RBL2: variants seen among roughly 807,000 people sequenced by gnomAD.
The protein encoded by RBL2 is retinoblastoma-like protein 2.
RBL2 carries 56 observed loss-of-function variants against 126.0 expected under a neutral mutation model. The observed-to-expected ratio is 0.44, with a 90% confidence interval of 0.36 to 0.56. The LOEUF is 0.56. Among genes scored for constraint, RBL2 ranks in the 20% least tolerant of loss-of-function variants. The probability of loss-of-function intolerance (pLI) is 0.00; values close to 1 mark genes in which losing one functional copy is unlikely to be tolerated. For synonymous variants in RBL2, 454 were observed against 478.5 expected (o/e 0.95, Z 0.67); for missense variants, 1,229 against 1,398.2 (o/e 0.88, Z 1.93).
At chr16:53,472,083 T>C (rs769814956) in intron 17 of RBL2, among the ~76,000 whole-genome samples, 11 of 152,220 alleles carry the variant, frequency 7.2e-5, no homozygotes, top group Non-Finnish European at 1.3e-4. Flanking sequence ...TGTTGCAGCA[T>C]GTATCAGTAC....
chr16:53,450,946 A>T (rs1334636343), intron 4 of RBL2, among the ~76,000 whole-genome samples: 3 of 152,162 alleles, frequency 2.0e-5, no homozygotes, highest in African/African-American at 7.2e-5. Context: ...ATCTCAAAAA[A>T]AAAAAATGTA....
chr16:53,434,779 G>A lies in RBL2; in HGVS notation c.223G>A (p.Glu75Lys), dbSNP rs1421426955. The A allele has an allele frequency of 1.3e-6, 2 of 1,516,522 alleles. No homozygotes were observed. Among genetic ancestry groups the A allele is most frequent in the Non-Finnish European group, 1.8e-6 (2 of 1,135,920 alleles). 93.9% of individuals were successfully genotyped at this position (1,516,522 alleles called of 1,614,324 possible). The change falls in exon 1 of 22, where the codon GAA (glutamate) becomes AAA (lysine). Residue 75 changes from glutamate to lysine, a missense_variant. Transcript: ENST00000262133. ...CTGGGACAGCTACCGCAGCATGAGCGAAAGCTACACGCTGGAGGTGCGCTC... is the reference window on the plus strand; with the variant it reads ...CTGGGACAGCTACCGCAGCATGAGCAAAAGCTACACGCTGGAGGTGCGCTC... ...EAWDSYRSMS[E>K]SYTLEGNDLH...
At chr16:53,484,949 A>C (rs1187119839) in intron 21 of RBL2, among the ~76,000 whole-genome samples, 1 of 151,858 alleles carries the variant, frequency 6.6e-6, no homozygotes, top group Admixed American at 6.6e-5. Flanking sequence ...AGCAAAAAAT[A>C]TTATCAGGAC....
rs1961430908 is a variant in RBL2, at chr16:53,491,256, A to G, written c.*956A>G. The G allele has an allele frequency of 6.6e-6, 1 of 152,200 alleles. No individual in the cohort carries two copies. Among genetic ancestry groups the G allele is most frequent in the Non-Finnish European group, 1.5e-5 (1 of 68,036 alleles). The allele number at this position is 152,200 out of a possible 1,614,324, so 9.4% of individuals were successfully genotyped here. A position where few individuals can be genotyped will look rare whatever the true frequency, so the allele number is the denominator to read the frequency against. ...AGTTATCTAAAAGAAATGTCTATTA[A>G]GGTGATATATTTAAAAATATTTTTG... On this transcript the variant is annotated 3_prime_UTR_variant, in exon 22 of 22. Transcript: ENST00000262133.
At chr16:53,457,559 G>A (rs1157974349) in intron 8 of RBL2, among the ~76,000 whole-genome samples, 7 of 151,936 alleles carry the variant, frequency 4.6e-5, no homozygotes, top group Admixed American at 4.6e-4. Flanking sequence ...ATGCCCAGCC[G>A]TAGATGGCTT....
chr16:53,470,061 C>G lies in RBL2; in HGVS notation c.2121C>G (p.Val707=). The change falls in exon 15 of 22, where the codon GTC becomes GTG. Residue 707 remains valine (V), a synonymous_variant. Transcript: ENST00000262133. ...RMPPQPLVNA[V]PVQNVSGETV... The stretch of plus-strand genomic sequence containing the variant: ...CCCCACAGCCCCTAGTCAATGCTGT[C>G]CCTGTGCAGAATGTATCTGGGGAGA... 6.2e-7 allele frequency: 1 copy of G among 1,614,250 alleles called. No homozygotes were observed. The highest frequency in any genetic ancestry group is 1.3e-5 in the African/African-American group (1 of 75,078).
chr16:53,444,259 TAAAC>T (rs940342032), intron 3 of RBL2, among the ~76,000 whole-genome samples: 7 of 151,028 alleles, frequency 4.6e-5, no homozygotes, highest in African/African-American at 1.7e-4. Context: ...AATAAATAAG[TAAAC>T]AAATAAAAGG....
In RBL2 at chr16:53,460,024, T is replaced by G. The variant is rs77388758; in HGVS notation, c.1346+407T>G. Among the ~76,000 whole-genome samples the G allele has an allele frequency of 3.0e-3, 463 of 152,250 alleles. 4 individuals carry two copies. The highest frequency in any genetic ancestry group is 0.011 in the African/African-American group (437 of 41,544). ...GGTGACTCAGATTTGAAAAGATTAA[T>G]AGAGTTCCACATGTTCATAAAGCAG... On this transcript the variant is annotated intron_variant, in intron 9 of 21. Coordinates refer to ENST00000262133, the MANE Select transcript of RBL2 (RefSeq NM_005611.4).
At chr16:53,460,320 A>G (rs1430726186) in intron 9 of RBL2, among the ~76,000 whole-genome samples, 1 of 152,240 alleles carries the variant, frequency 6.6e-6, no homozygotes, top group Non-Finnish European at 1.5e-5. Context: ...TGATGATGGT[A>G]TATCAAGAAG....
chr16:53,481,505 A>AG lies in RBL2; in HGVS notation c.3085-164dup, dbSNP rs1041748153. The stretch of plus-strand genomic sequence containing the variant: ...ATAACTGGCACAAACTAAGCACTTA[A>AG]GGTTTGCTATTAGAATATTTTTCTT... On this transcript the variant is annotated intron_variant, in intron 20 of 21. Coordinates refer to ENST00000262133, the MANE Select transcript of RBL2 (RefSeq NM_005611.4). 8.1e-6 allele frequency: 5 copies of AG among 620,396 alleles called. No homozygotes were observed. The African/African-American group carries it at 9.3e-5, about 12-fold the overall frequency. 38.4% of individuals were successfully genotyped at this position (620,396 alleles called of 1,614,324 possible).
intron 17 of RBL2, among the ~76,000 whole-genome samples, chr16:53,471,693 T>C (rs945880218): frequency 3.3e-5 from 5 of 152,136 alleles, no homozygotes; most frequent in Admixed American, 3.3e-4. Flanking sequence ...GGTCTCAAAC[T>C]CCTGACCTCA....
intron 5 of RBL2, 35 bp downstream of exon 5, chr16:53,451,866 G>A: frequency 1.2e-6 from 2 of 1,607,832 alleles, no homozygotes; most frequent in Admixed American, 1.7e-5. Flanking sequence ...TGGGCAATCT[G>A]CGTTTCTGTG....
At chr16:53,458,225 G>C (rs933020683) in intron 8 of RBL2, among the ~76,000 whole-genome samples, 2 of 152,200 alleles carry the variant, frequency 1.3e-5, no homozygotes, top group Non-Finnish European at 2.9e-5. Flanking sequence ...GTTGCCAGGT[G>C]AAAGTTTTGC....
intron 2 of RBL2, among the ~76,000 whole-genome samples, chr16:53,442,022 A>C (rs928276949): frequency 2.6e-5 from 4 of 151,938 alleles, no homozygotes; most frequent in Non-Finnish European, 5.9e-5. Context: ...GGGTTTTACC[A>C]TGTTGGCCAT....
At position 53,469,239 on chromosome 16, in the gene RBL2, A is replaced by G. The variant is rs577218154; in HGVS notation, c.1976-677A>G. ...AGTAAGACTCTGTCTCAAAAAATAA[A>G]AAAAATAGTAACAATTTGCCCCAAA... On this transcript the variant is annotated intron_variant, in intron 14 of 21. Coordinates refer to ENST00000262133, the MANE Select transcript of RBL2 (RefSeq NM_005611.4). Among the ~76,000 whole-genome samples the G allele has an allele frequency of 3.9e-5, 6 of 152,336 alleles. No individual in the cohort carries two copies. In the East Asian group the frequency reaches 9.6e-4, roughly 24 times the overall value.
In RBL2 at chr16:53,439,023, ATCT is replaced by A; in HGVS notation, c.251_253del (p.Leu84del). 1 of 1,573,512 alleles carries A rather than the reference ATCT, an allele frequency of 6.4e-7. No homozygotes were observed. The highest frequency in any genetic ancestry group is 8.6e-7 in the Non-Finnish European group (1 of 1,163,330). On this transcript the variant is annotated inframe_deletion, in exon 2 of 22. Coordinates refer to ENST00000262133, the MANE Select transcript of RBL2 (RefSeq NM_005611.4). ...TTTTCTTTTCTTTTACAGGGAAATG[ATCT>A]TCATTGGTTAGCATGTGCCTTATAT...
chr16:53,476,967 A>G (rs1033809068), intron 17 of RBL2, among the ~76,000 whole-genome samples: 1 of 151,994 alleles, frequency 6.6e-6, no homozygotes, highest in Non-Finnish European at 1.5e-5. Flanking sequence ...TTTTGTTTTC[A>G]TGTCTTTCCC....
chr16:53,464,161 A>C lies in RBL2; in HGVS notation c.1561-65A>C, dbSNP rs578158752. 6.2e-6 allele frequency: 8 copies of C among 1,296,296 alleles called. No individual in the cohort carries two copies. The East Asian group carries it at 2.1e-4, about 35-fold the overall frequency. 80.3% of individuals were successfully genotyped at this position (1,296,296 alleles called of 1,614,324 possible). On this transcript the variant is annotated intron_variant, in intron 11 of 21. Transcript: ENST00000262133. ...TTCTTTGGTATTTTCACTTAAGTTC[A>C]CTGGGTATGAAATGACTTTTTAGAC...
At chr16:53,476,025 T>G (rs1960718879) in intron 17 of RBL2, among the ~76,000 whole-genome samples, 1 of 151,596 alleles carries the variant, frequency 6.6e-6, no homozygotes, top group Non-Finnish European at 1.5e-5. Context: ...GATTTTGCTG[T>G]GTTACCCAGG....
Sources: allele counts gnomAD v4.1 joint callset (sites outside exome capture counted in the v4.1 genomes callset), GRCh38; gene constraint gnomAD v4.1.1; transcripts MANE v1.5; gene names NCBI Gene and HGNC (gene_info 2026-07-23, HGNC 2026-07-21).